Variants in SCUBE2 observed in about 807,000 individuals in gnomAD.
The protein encoded by SCUBE2 is signal peptide, CUB domain and EGF like domain containing 2.
In SCUBE2, 114 loss-of-function variants were observed where a neutral mutation model predicts 125.9. The observed-to-expected ratio is 0.91, with a 90% CI of 0.78 to 1.06. SCUBE2 has a LOEUF of 1.06. Among genes scored for constraint, SCUBE2 ranks in the 50% least tolerant of loss-of-function variants. The pLI is 0.00. For synonymous variants in SCUBE2, 459 were observed against 492.9 expected (o/e 0.93, Z 0.91); for missense variants, 1,255 against 1,301.8 (o/e 0.96, Z 0.55).
Position 9,089,790 on chromosome 11 carries a change from G to T in SCUBE2, c.173C>A (p.Ala58Asp). 6.2e-7 allele frequency: 1 copy of T among 1,613,894 alleles called. No individual in the cohort carries two copies. Among genetic ancestry groups the T allele is most frequent in the Non-Finnish European group, 8.5e-7 (1 of 1,179,896 alleles). Residue 58 changes from alanine to aspartate, a missense_variant, in exon 2 of 23, where the codon GCC (alanine) becomes GAC (aspartate). Ala to Asp is a moderately radical substitution (Grantham distance 126). Around this residue, in one of 3 missense-constraint regions of SCUBE2, gnomAD observed 362 missense variants for 323.0 expected, o/e 1.12. Transcript: ENST00000649792. ...ECAQGLDDCH[A>D]DALCQNTPTS... The stretch of plus-strand genomic sequence containing the variant: ...GGGTGTGTTCTGACACAGGGCGTCG[G>T]CATGGCAGTCATCTAGCCCTTGGGC...
rs752875790 is a variant in SCUBE2 at position 9,027,382 on chromosome 11, G to C, written c.2683C>G (p.Leu895Val). 6.2e-7 allele frequency: 1 copy of C among 1,614,056 alleles called. No homozygotes were observed. The highest frequency in any genetic ancestry group is 8.5e-7 in the Non-Finnish European group (1 of 1,179,986). The part of the protein sequence containing the change: ...LPIEDDCGDY[L>V]VMRKTSSSNS... Reference sequence around the variant, plus strand: ...GACGCACAGGTTTTCCGCATCACCAGATAGTCCCCACAGTCGTCCTCTATG... The same window carrying C: ...GACGCACAGGTTTTCCGCATCACCACATAGTCCCCACAGTCGTCCTCTATG... Residue 895 changes from leucine (L) to valine (V), a missense_variant, in exon 20 of 23, where the codon CTG (leucine) becomes GTG (valine). Around this residue, in one of 3 missense-constraint regions of SCUBE2, gnomAD observed 515 missense variants for 515.7 expected, o/e 1.00. Coordinates refer to ENST00000649792, the MANE Select transcript of SCUBE2 (RefSeq NM_001367977.2).
chr11:9,055,322 T>C (rs1318873908), intron 10 of SCUBE2, among the ~76,000 whole-genome samples: 1 of 152,176 alleles, frequency 6.6e-6, no homozygotes, highest in African/African-American at 2.4e-5. Flanking sequence ...AGAAACTTCA[T>C]AGTTCTGCTT....
chr11:9,062,596 A>G (rs574217689), intron 7 of SCUBE2, among the ~76,000 whole-genome samples: 2 of 152,370 alleles, frequency 1.3e-5, no homozygotes, highest in South Asian at 4.1e-4. Flanking sequence ...TGGAGGAAAC[A>G]AAGATAATCT....
intron 16 of SCUBE2, among the ~76,000 whole-genome samples, chr11:9,041,517 G>C (rs2135308323): frequency 6.6e-6 from 1 of 152,312 alleles, no homozygotes; most frequent in South Asian, 2.1e-4. Flanking sequence ...AGTGTGTTGT[G>C]TCTGAAACCC....
chr11:9,033,528 C>T (rs138088261), intron 17 of SCUBE2, 98 bp downstream of exon 17: 35 of 1,404,334 alleles, frequency 2.5e-5, no homozygotes, highest in East Asian at 4.6e-5. Flanking sequence ...TAGGAAGCCC[C>T]GGGTGAGTGT....
At chr11:9,083,154 C>T (rs1304072363) in intron 2 of SCUBE2, among the ~76,000 whole-genome samples, 1 of 151,340 alleles carries the variant, frequency 6.6e-6, no homozygotes, top group Admixed American at 6.6e-5. Flanking sequence ...ACAATTAATA[C>T]ATGTTTAAGG....
chr11:9,031,083 A>T, intron 17 of SCUBE2, 158 bp from the exon 18 acceptor site: 1 of 628,074 alleles, frequency 1.6e-6, no homozygotes, highest in Non-Finnish European at 2.7e-6. Context: ...GGTGCTTCTG[A>T]CCCTGAGTCA....
chr11:9,037,849 C>T (rs930253767), intron 16 of SCUBE2, among the ~76,000 whole-genome samples: 4 of 152,208 alleles, frequency 2.6e-5, no homozygotes, highest in African/African-American at 9.6e-5. Context: ...ATGCCTTCTT[C>T]CTTATTGGGT....
At chr11:9,039,590 G>A (rs534654979) in intron 16 of SCUBE2, among the ~76,000 whole-genome samples, 4 of 152,264 alleles carry the variant, frequency 2.6e-5, no homozygotes, top group African/African-American at 9.6e-5. Context: ...CTACACCTCG[G>A]GGGTTGACAA....
Position 9,020,552 on chromosome 11 carries a change from G to C in SCUBE2, c.*493C>G, listed in dbSNP as rs1185158418. On this transcript the variant is annotated 3_prime_UTR_variant, in exon 23 of 23. Coordinates refer to ENST00000649792, the MANE Select transcript of SCUBE2 (RefSeq NM_001367977.2). ...TCCCAGGTCTCAAGGTGGGTGGAGGGAGCCTGCAGGGGTCTCCTTCCCTCC... is the reference window on the plus strand; with the variant it reads ...TCCCAGGTCTCAAGGTGGGTGGAGGCAGCCTGCAGGGGTCTCCTTCCCTCC... 1 of 152,152 alleles carries C rather than the reference G, an allele frequency of 6.6e-6. No homozygotes were observed. The highest frequency in any genetic ancestry group is 1.9e-4 in the East Asian group (1 of 5,198). The allele number at this position is 152,152 out of a possible 1,614,324, so 9.4% of individuals were successfully genotyped here.
chr11:9,021,260 T>C (rs772136866), intron 22 of SCUBE2, 63 bp from the exon 23 acceptor site: 40 of 1,445,996 alleles, frequency 2.8e-5, no homozygotes, highest in Non-Finnish European at 3.6e-5. Flanking sequence ...ATTTTGCCCA[T>C]GGAACTATAA....
chr11:9,084,904 T>TTTTTG (rs920816738), intron 2 of SCUBE2, among the ~76,000 whole-genome samples: 5 of 152,014 alleles, frequency 3.3e-5, no homozygotes, highest in East Asian at 1.9e-4. Flanking sequence ...CACCAGCAAT[T>TTTTTG]TTTTGTTTTG....
chr11:9,043,459 A>G (rs1857419109), intron 16 of SCUBE2, among the ~76,000 whole-genome samples: 1 of 144,902 alleles, frequency 6.9e-6, no homozygotes, highest in African/African-American at 2.5e-5. Flanking sequence ...TGGACCCTAT[A>G]ATCATTTTTT....
At chr11:9,050,472 A>G (rs1858237116) in intron 14 of SCUBE2, 134 bp downstream of exon 14, 2 of 679,680 alleles carry the variant, frequency 2.9e-6, no homozygotes, top group Non-Finnish European at 5.3e-6. Flanking sequence ...GAAGTTGGGG[A>G]TGGTTCAGTT....
Position 9,066,340 on chromosome 11 carries a change from G to T in SCUBE2, c.760+357C>A, listed in dbSNP as rs368160190. Reference sequence around the variant, plus strand: ...CCGTGAAGGGCAAGGCAGGCATCCCGCCAGAAATATACGGCCCTGGCTCCT... The same window carrying T: ...CCGTGAAGGGCAAGGCAGGCATCCCTCCAGAAATATACGGCCCTGGCTCCT... On this transcript the variant is annotated intron_variant, in intron 6 of 22. Transcript: ENST00000649792. 7.3e-4 allele frequency among the ~76,000 whole-genome samples: 111 copies of T among 152,278 alleles called. 4 individuals are homozygous for T. The South Asian group carries it at 0.022, about 30-fold the overall frequency.
rs898372382 is a variant in SCUBE2 at position 9,020,749 on chromosome 11, C to T, written c.*296G>A. On this transcript the variant is annotated 3_prime_UTR_variant, in exon 23 of 23. Transcript: ENST00000649792. ...AGACCCCAGAAGGACAGGTGAGTCT[C>T]ACCTAGGCTGACCAAAGTCCAGCTC... The T allele has an allele frequency of 4.1e-6, 1 of 243,182 alleles. No individual in the cohort carries two copies. Among genetic ancestry groups the T allele is most frequent in the African/African-American group, 2.2e-5 (1 of 44,654 alleles). The allele number at this position is 243,182 out of a possible 1,614,324, so 15.1% of individuals were successfully genotyped here.
rs781446367 is a variant in SCUBE2, at chr11:9,053,090, C to G, written c.1447+9G>C. Reference sequence around the variant, plus strand: ...TGAGGACCTGCCCCGGGAACTGGGCCCCACTCACCTGAAGAGAGGTGAATG... The same window carrying G: ...TGAGGACCTGCCCCGGGAACTGGGCGCCACTCACCTGAAGAGAGGTGAATG... On this transcript the variant is annotated intron_variant, in intron 12 of 22. Coordinates refer to ENST00000649792, the MANE Select transcript of SCUBE2 (RefSeq NM_001367977.2). The G allele has an allele frequency of 6.2e-6, 10 of 1,610,234 alleles. No individual in the cohort carries two copies. The highest frequency in any genetic ancestry group is 2.7e-5 in the African/African-American group (2 of 74,968).
intron 2 of SCUBE2, among the ~76,000 whole-genome samples, chr11:9,082,754 G>A (rs1013838362): frequency 2.0e-5 from 3 of 152,236 alleles, no homozygotes; most frequent in African/African-American, 7.2e-5. Flanking sequence ...CCACTTACGT[G>A]AAATGTCCAG....
intron 2 of SCUBE2, among the ~76,000 whole-genome samples, chr11:9,085,820 C>T (rs373198604): frequency 2.0e-3 from 218 of 109,646 alleles, no homozygotes; most frequent in African/African-American, 5.9e-3. Flanking sequence ...TTTATTCAAT[C>T]TCTTTAGTTT....
Sources: allele counts gnomAD v4.1 joint callset (sites outside exome capture counted in the v4.1 genomes callset), GRCh38; gene constraint gnomAD v4.1.1; regional missense constraint gnomAD v4.1.1; transcripts MANE v1.5; gene names NCBI Gene and HGNC (gene_info 2026-07-23, HGNC 2026-07-21).